DMD: variants seen among roughly 807,000 people sequenced by gnomAD.
The protein encoded by DMD is mutant dystrophin.
In DMD, 63 loss-of-function variants were observed where a neutral mutation model predicts 330.1. The ratio of observed to expected loss-of-function variants is 0.19; its 90% CI spans 0.16 to 0.24. The LOEUF (loss-of-function observed/expected upper bound fraction) is 0.24, where lower values mean the gene tolerates loss of function less well. Among genes scored for constraint, DMD ranks in the 10% least tolerant of loss-of-function variants. The probability of loss-of-function intolerance (pLI) is 1.00; values close to 1 mark genes in which losing one functional copy is unlikely to be tolerated. For synonymous variants in DMD, 1,223 were observed against 959.8 expected, an observed-to-expected ratio of 1.27 and a Z score of -5.07; for missense variants, 3,344 against 2,684.1, an observed-to-expected ratio of 1.25 and a Z score of -5.43.
intron 2 of DMD, among the ~76,000 whole-genome samples, chrX:33,015,627 T>C (rs1489189210): frequency 2.7e-5 from 3 of 110,627 alleles, no homozygotes; most frequent in Non-Finnish European, 5.7e-5. Flanking sequence ...CAAGTTTACC[T>C]ATATAACAAA....
intron 60 of DMD, among the ~76,000 whole-genome samples, chrX:31,423,172 G>A (rs1251236112): frequency 9.0e-6 from 1 of 111,681 alleles, no homozygotes; most frequent in Non-Finnish European, 1.9e-5. Flanking sequence ...TTATAGCTTA[G>A]ATTTTAAGAG....
At chrX:32,801,392 C>T (rs1398165346) in intron 7 of DMD, among the ~76,000 whole-genome samples, 1 of 110,240 alleles carries the variant, frequency 9.1e-6, no homozygotes, top group Non-Finnish European at 1.9e-5. Flanking sequence ...AAATTTGTTT[C>T]TTGTAGATTC....
chrX:32,120,505 G>A (rs2096630329), intron 44 of DMD, among the ~76,000 whole-genome samples: 2 of 112,204 alleles, frequency 1.8e-5, no homozygotes, highest in Non-Finnish European at 3.8e-5. Context: ...CAGTAGGTTT[G>A]GGATGAAGGG....
intron 44 of DMD, among the ~76,000 whole-genome samples, chrX:32,157,701 C>T (rs961808669): frequency 7.2e-5 from 8 of 111,789 alleles, no homozygotes; most frequent in East Asian, 2.8e-4. Context: ...TATAAATAAT[C>T]GATACAATTT....
intron 48 of DMD, among the ~76,000 whole-genome samples, chrX:31,871,141 G>A (rs1423731179): frequency 9.0e-6 from 1 of 111,025 alleles, no homozygotes; most frequent in Non-Finnish European, 1.9e-5. Context: ...AAAATTCAAA[G>A]GCATGCCTTC....
chrX:32,567,338 A>G (rs1325449450), intron 15 of DMD, among the ~76,000 whole-genome samples: 1 of 112,434 alleles, frequency 8.9e-6, no homozygotes, highest in African/African-American at 3.2e-5. Context: ...TTAAGATATT[A>G]TACACTGAAT....
At chrX:32,948,999 C>T (rs1212240359) in intron 2 of DMD, among the ~76,000 whole-genome samples, 2 of 110,881 alleles carry the variant, frequency 1.8e-5, no homozygotes, top group Admixed American at 1.9e-4. Context: ...CATTTAACAT[C>T]AAAAACATTT....
chrX:32,641,850 G>C (rs191485278), intron 11 of DMD, among the ~76,000 whole-genome samples: 46 of 110,644 alleles, frequency 4.2e-4, no homozygotes, highest in African/African-American at 1.4e-3. Context: ...TTGTTTACTA[G>C]TAATCTTCTA....
In DMD at chrX:32,464,620, G is replaced by A. The variant is rs776909577; in HGVS notation, c.3242C>T (p.Ser1081Leu). ...TTTCAGCTGCTTTTTTAGAATTTCTGAATCCCCAAGGGCAGGCCATTCCTC... is the reference window on the plus strand; with the variant it reads ...TTTCAGCTGCTTTTTTAGAATTTCTAAATCCCCAAGGGCAGGCCATTCCTC... ...LKEEWPALGD[S>L]EILKKQLKQC... The change falls in exon 24 of 79, where the codon TCA becomes TTA. Residue 1081 changes from serine to leucine, a missense_variant. Coordinates refer to ENST00000357033, the MANE Select transcript of DMD (RefSeq NM_004006.3). 8.3e-7 allele frequency: 1 copy of A among 1,209,545 alleles called. No individual in the cohort carries two copies. Among genetic ancestry groups the A allele is most frequent in the South Asian group, 1.8e-5 (1 of 56,921 alleles).
chrX:31,125,644 C>T (rs1443330390), intron 78 of DMD, among the ~76,000 whole-genome samples: 3 of 111,748 alleles, frequency 2.7e-5, no homozygotes, highest in Non-Finnish European at 5.7e-5. Context: ...TGTCAGTTAA[C>T]ACTTTGTCAT....
At chrX:32,010,888 G>C (rs964244558) in intron 44 of DMD, among the ~76,000 whole-genome samples, 1 of 112,221 alleles carries the variant, frequency 8.9e-6, no homozygotes, top group Non-Finnish European at 1.9e-5. Flanking sequence ...TTCTACAGGA[G>C]CTACCCAATA....
At chrX:32,507,603 A>G (rs1179663599) in intron 18 of DMD, among the ~76,000 whole-genome samples, 1 of 111,652 alleles carries the variant, frequency 9.0e-6, no homozygotes, top group Non-Finnish European at 1.9e-5. Flanking sequence ...CCACAACTAC[A>G]ACAAAAACAA....
chrX:31,155,085 T>G (rs1342366872), intron 74 of DMD, among the ~76,000 whole-genome samples: 1 of 112,654 alleles, frequency 8.9e-6, no homozygotes, highest in East Asian at 2.8e-4. Context: ...CATAAGAGAT[T>G]AATCAAATTG....
At chrX:32,463,686 A>G in intron 24 of DMD, 92 bp from the exon 25 acceptor site, 2 of 785,126 alleles carry the variant, frequency 2.5e-6, no homozygotes, top group Non-Finnish European at 3.5e-6. Flanking sequence ...ATTGGGACTG[A>G]TGGCATTGCA....
rs150426646 is a variant in DMD at position 33,061,129 on chromosome X, T to C, written c.32-40929A>G. On this transcript the variant is annotated intron_variant, in intron 1 of 78. Coordinates refer to ENST00000357033, the MANE Select transcript of DMD (RefSeq NM_004006.3). ...TATATAAATTATACATTTAAGAGGA[T>C]GTTGGTTCTAAATACTTTAACTTGC... Among the ~76,000 whole-genome samples, 285 of 112,395 alleles carry C rather than the reference T, an allele frequency of 2.5e-3. 1 individual carries two copies. Among genetic ancestry groups the C allele is most frequent in the African/African-American group, 8.8e-3 (272 of 30,981 alleles).
intron 44 of DMD, among the ~76,000 whole-genome samples, chrX:32,167,423 C>T (rs1308534106): frequency 8.9e-6 from 1 of 111,825 alleles, no homozygotes; most frequent in Non-Finnish European, 1.9e-5. Flanking sequence ...AGTTTCTTAA[C>T]TTCTTGAAGC....
intron 29 of DMD, among the ~76,000 whole-genome samples, chrX:32,428,048 T>C (rs1213926225): frequency 2.7e-5 from 3 of 111,501 alleles, no homozygotes; most frequent in Non-Finnish European, 5.7e-5. Flanking sequence ...ATTTTATTGA[T>C]TCCATGTTGT....
chrX:32,346,851 G>T (rs1205400997), intron 38 of DMD, among the ~76,000 whole-genome samples: 1 of 111,354 alleles, frequency 9.0e-6, no homozygotes, highest in African/African-American at 3.3e-5. Context: ...GTCTAATATA[G>T]TCGCATATAT....
At chrX:32,702,160 A>T (rs954737167) in intron 7 of DMD, among the ~76,000 whole-genome samples, 2 of 112,359 alleles carry the variant, frequency 1.8e-5, no homozygotes, top group Non-Finnish European at 1.9e-5. Context: ...TCTGCTTCTA[A>T]TTTGGAATAA....
Sources: gnomAD v4.1 joint callset for allele counts (sites outside exome capture counted in the v4.1 genomes callset) on GRCh38, gnomAD v4.1.1 for gene constraint, MANE v1.5 for transcripts, NCBI Gene and HGNC (gene_info 2026-07-23, HGNC 2026-07-21) for gene names.